The following GRM7 variants were observed in gnomAD, a reference collection of about 807,000 sequenced individuals.
GRM7 encodes the protein metabotropic glutamate receptor 7.
GRM7 carries 35 observed loss-of-function variants against 84.5 expected under a neutral mutation model. The observed-to-expected ratio is 0.41, with a 90% CI of 0.32 to 0.55. The LOEUF (loss-of-function observed/expected upper bound fraction) is 0.55, where lower values mean the gene tolerates loss of function less well. GRM7 is among the 20% of genes least tolerant of loss of function. The pLI, the probability that GRM7 is intolerant of heterozygous loss-of-function variation, is 0.19. For synonymous variants in GRM7, 487 were observed against 455.1 expected, an observed-to-expected ratio of 1.07 and a Z score of -0.89; for missense variants, 1,003 against 1,194.6, an observed-to-expected ratio of 0.84 and a Z score of 2.36.
intron 9 of GRM7, 103 bp downstream of exon 9, chr3:7,680,398 G>T (rs1700318602): frequency 8.0e-7 from 1 of 1,248,358 alleles, no homozygotes; most frequent in African/African-American, 1.5e-5. Flanking sequence ...GATCGTTCTT[G>T]TCTTATGGGC....
chr3:7,182,420 A>G (rs1391975225), intron 2 of GRM7, among the ~76,000 whole-genome samples: 2 of 152,226 alleles, frequency 1.3e-5, no homozygotes, highest in Non-Finnish European at 2.9e-5. Flanking sequence ...GCTTCAAAAA[A>G]AATCTTTGGG....
intron 1 of GRM7, among the ~76,000 whole-genome samples, chr3:7,026,745 C>A (rs1239010563): frequency 6.6e-6 from 1 of 152,166 alleles, no homozygotes; most frequent in Non-Finnish European, 1.5e-5. Flanking sequence ...AGTGTAAATA[C>A]CTAATGTAAT....
intron 2 of GRM7, among the ~76,000 whole-genome samples, chr3:7,233,407 A>G (rs1697254963): frequency 6.6e-6 from 1 of 152,150 alleles, no homozygotes; most frequent in Non-Finnish European, 1.5e-5. Context: ...AACCACCACT[A>G]TAGTTGGTTG....
At chr3:7,577,008 C>T (rs1188315231) in intron 7 of GRM7, among the ~76,000 whole-genome samples, 1 of 152,182 alleles carries the variant, frequency 6.6e-6, no homozygotes, top group Non-Finnish European at 1.5e-5. Flanking sequence ...TCTATGTTGG[C>T]TTCTTTCTCT....
chr3:7,248,218 T>A (rs1167635923), intron 2 of GRM7, among the ~76,000 whole-genome samples: 1 of 152,126 alleles, frequency 6.6e-6, no homozygotes, highest in East Asian at 1.9e-4. Context: ...GAGACTCAAA[T>A]GTTTATTAAG....
chr3:7,014,355 T>G, intron 1 of GRM7, among the ~76,000 whole-genome samples: 1 of 152,252 alleles, frequency 6.6e-6, no homozygotes, highest in East Asian at 1.9e-4. Flanking sequence ...TTTAATAATT[T>G]TTTGAGACAG....
At chr3:7,540,898 G>T (rs1692842264) in intron 7 of GRM7, among the ~76,000 whole-genome samples, 1 of 152,132 alleles carries the variant, frequency 6.6e-6, no homozygotes, top group African/African-American at 2.4e-5. Flanking sequence ...ATAGGTATAG[G>T]CAAGGGCATA....
intron 7 of GRM7, among the ~76,000 whole-genome samples, chr3:7,566,987 C>G (rs1694312061): frequency 6.6e-6 from 1 of 152,112 alleles, no homozygotes; most frequent in African/African-American, 2.4e-5. Context: ...GAGGATAATG[C>G]AAGCATTAAA....
chr3:7,374,883 T>G (rs529409615), intron 4 of GRM7, among the ~76,000 whole-genome samples: 7 of 152,190 alleles, frequency 4.6e-5, no homozygotes, highest in Non-Finnish European at 8.8e-5. Context: ...TTCAGCTTTC[T>G]GAGTTTGTGA....
At chr3:7,583,206 G>A (rs1695344186) in intron 8 of GRM7, among the ~76,000 whole-genome samples, 1 of 152,154 alleles carries the variant, frequency 6.6e-6, no homozygotes, top group East Asian at 1.9e-4. Flanking sequence ...CCTGGTCTTG[G>A]GACCAGAGAT....
intron 8 of GRM7, among the ~76,000 whole-genome samples, chr3:7,664,757 A>G (rs986838981): frequency 1.3e-5 from 2 of 152,190 alleles, no homozygotes; most frequent in African/African-American, 4.8e-5. Flanking sequence ...TAGAAAGAAA[A>G]TTATAAAGAT....
intron 8 of GRM7, among the ~76,000 whole-genome samples, chr3:7,625,247 G>A (rs1302609392): frequency 6.6e-6 from 1 of 152,050 alleles, no homozygotes; most frequent in African/African-American, 2.4e-5. Flanking sequence ...GAATGTTGAG[G>A]CCAATGCATG....
At chr3:7,288,329 C>G (rs1575123020) in intron 2 of GRM7, among the ~76,000 whole-genome samples, 1 of 152,070 alleles carries the variant, frequency 6.6e-6, no homozygotes, top group Non-Finnish European at 1.5e-5. Context: ...ACTGGAGTTA[C>G]AAGCTTTCCG....
intron 8 of GRM7, among the ~76,000 whole-genome samples, chr3:7,589,593 C>G (rs1173034941): frequency 6.6e-6 from 1 of 152,092 alleles, no homozygotes; most frequent in Non-Finnish European, 1.5e-5. Flanking sequence ...GAGGAGACGT[C>G]CCATATTATT....
intron 1 of GRM7, among the ~76,000 whole-genome samples, chr3:7,055,386 T>C (rs1395504586): frequency 6.6e-6 from 1 of 151,764 alleles, no homozygotes; most frequent in Non-Finnish European, 1.5e-5. Flanking sequence ...CTTTCATAGG[T>C]GGAGAACCGT....
intron 7 of GRM7, among the ~76,000 whole-genome samples, chr3:7,468,686 A>G (rs2124919640): frequency 6.6e-6 from 1 of 152,308 alleles, no homozygotes; most frequent in South Asian, 2.1e-4. Context: ...CCCACATGTC[A>G]AGGCAGGGAG....
intron 4 of GRM7, among the ~76,000 whole-genome samples, chr3:7,346,080 C>A (rs1319632411): frequency 6.6e-6 from 1 of 151,966 alleles, no homozygotes; most frequent in African/African-American, 2.4e-5. Context: ...CCTAGGAGAC[C>A]TGTGGTAAAT....
chr3:7,639,375 A>G (rs1007706210), intron 8 of GRM7, among the ~76,000 whole-genome samples: 1 of 152,150 alleles, frequency 6.6e-6, no homozygotes, highest in African/African-American at 2.4e-5. Context: ...CTGATGATCT[A>G]AGTGTAATTC....
chr3:7,416,459 A>G (rs934891873), intron 5 of GRM7, among the ~76,000 whole-genome samples: 3 of 152,138 alleles, frequency 2.0e-5, no homozygotes, highest in Non-Finnish European at 4.4e-5. Flanking sequence ...AGCTGTTTGA[A>G]TACCGGTCAC....
Sources: allele counts gnomAD v4.1 joint callset (sites outside exome capture counted in the v4.1 genomes callset), GRCh38; gene constraint gnomAD v4.1.1; transcripts MANE v1.5; gene names NCBI Gene and HGNC (gene_info 2026-07-23, HGNC 2026-07-21).